Variants in PIGN observed in about 807,000 individuals in gnomAD.
The protein encoded by PIGN is phosphatidylinositol glycan anchor biosynthesis class N.
A neutral mutation model predicts 125.4 loss-of-function variants in PIGN; 117 were observed. The observed-to-expected ratio is 0.93, with a 90% CI of 0.80 to 1.09. The LOEUF is 1.09. Among genes scored for constraint, PIGN ranks in the 50% least tolerant of loss-of-function variants. PIGN has a pLI of 0.00. For missense variants in PIGN, 1,075 were observed against 1,094.9 expected, an observed-to-expected ratio of 0.98 and a Z score of 0.26; for synonymous variants, 392 against 377.8, an observed-to-expected ratio of 1.04 and a Z score of -0.44.
At position 62,074,767 on chromosome 18, in the gene PIGN, G is replaced by T; in HGVS notation, c.2619+12C>A. 1.9e-6 allele frequency: 3 copies of T among 1,568,376 alleles called. 1 individual carries two copies. The South Asian group carries it at 3.4e-5, about 18-fold the overall frequency. ...TAATCTAATTTATATGGACTACCCA[G>T]TAATGCCTTACCAAAGCCATAATGT... is the stretch of plus-strand genomic sequence containing the variant. On this transcript the variant is annotated intron_variant, in intron 29 of 30. Transcript: ENST00000640252.
At position 62,096,516 on chromosome 18, in the gene PIGN, C is replaced by CTTTTTTT. The variant is rs398033140; in HGVS notation, c.2078-573_2078-567dup. Among the ~76,000 whole-genome samples, 532 of 85,630 alleles carry CTTTTTTT rather than the reference C, an allele frequency of 6.2e-3. 17 individuals are homozygous for CTTTTTTT. Among genetic ancestry groups the CTTTTTTT allele is most frequent in the African/African-American group, 7.7e-3 (141 of 18,368 alleles). The allele number at this position is 85,630 out of a possible 152,430, so 56.2% of individuals were successfully genotyped here. A position where few individuals can be genotyped will look rare whatever the true frequency, so the allele number is the denominator to read the frequency against. On this transcript the variant is annotated intron_variant, in intron 22 of 30. Transcript: ENST00000640252. The stretch of plus-strand genomic sequence containing the variant: ...TATTAACTCAAAAATGAATTATTTT[C>CTTTTTTT]TTTTTTTTTTTTTTTTTTTTTTTTT...
rs138896034 is a variant in PIGN at position 62,111,466 on chromosome 18, A to T, written c.1435-1493T>A. On this transcript the variant is annotated intron_variant, in intron 16 of 30. Transcript: ENST00000640252. ...TATCGTCACCCTAAAGTCAGCTCTCATATTTAAAATATGATAGTCTTTTTA... is the reference window on the plus strand; with the variant it reads ...TATCGTCACCCTAAAGTCAGCTCTCTTATTTAAAATATGATAGTCTTTTTA... Among the ~76,000 whole-genome samples, 239 of 152,194 alleles carry T rather than the reference A, an allele frequency of 1.6e-3. 1 individual carries two copies. Among genetic ancestry groups the T allele is most frequent in the African/African-American group, 5.4e-3 (223 of 41,542 alleles).
intron 30 of PIGN, among the ~76,000 whole-genome samples, chr18:62,049,010 T>C (rs969010354): frequency 2.2e-4 from 33 of 152,094 alleles, no homozygotes; most frequent in African/African-American, 1.4e-4. Context: ...ATTTCATCCA[T>C]GTCCCTACAA....
intron 6 of PIGN, 72 bp downstream of exon 6, chr18:62,157,057 T>C (rs1478805198): frequency 3.1e-6 from 2 of 635,146 alleles, no homozygotes; most frequent in Non-Finnish European, 5.2e-6. Flanking sequence ...ATTACATACA[T>C]AAAAATAGAA....
At chr18:62,128,881 T>C (rs919048099) in intron 14 of PIGN, among the ~76,000 whole-genome samples, 3 of 152,160 alleles carry the variant, frequency 2.0e-5, no homozygotes, top group Non-Finnish European at 4.4e-5. Context: ...TTTCTTCTAT[T>C]TGGCTTCAAA....
intron 30 of PIGN, chr18:62,072,420 T>C (rs1218387584): frequency 3.3e-6 from 1 of 302,244 alleles, no homozygotes; most frequent in Non-Finnish European, 6.1e-6. Context: ...TACTATACCT[T>C]TTCTATGTGT....
chr18:62,049,792 G>A (rs2031106547), intron 30 of PIGN, among the ~76,000 whole-genome samples: 1 of 151,854 alleles, frequency 6.6e-6, no homozygotes, highest in Admixed American at 6.6e-5. Flanking sequence ...TGTCCTGAAT[G>A]GTAATGCCTA....
At chr18:62,170,258 T>C (rs914379825) in intron 1 of PIGN, among the ~76,000 whole-genome samples, 5 of 152,348 alleles carry the variant, frequency 3.3e-5, no homozygotes, top group South Asian at 4.1e-4. Context: ...CCACATCTTA[T>C]TGTGCTTTAC....
downstream of PIGN, among the ~76,000 whole-genome samples, chr18:62,037,539 T>C (rs2030276917): frequency 6.6e-6 from 1 of 152,124 alleles, no homozygotes; most frequent in Non-Finnish European, 1.5e-5. Flanking sequence ...CTTACGGTGA[T>C]GTAAGTTGTT....
chr18:62,055,178 A>C (rs76220229), intron 30 of PIGN, among the ~76,000 whole-genome samples: 3,389 of 152,312 alleles, frequency 0.022, 106 homozygotes, highest in African/African-American at 0.058. Flanking sequence ...TGCATGCCAG[A>C]GGGAAAAAAC....
chr18:62,161,299 T>G lies in PIGN; in HGVS notation c.55A>C (p.Ile19Leu). Residue 19 changes from isoleucine to leucine, a missense_variant, in exon 4 of 31, where the codon ATC (isoleucine) becomes CTC (leucine). By Grantham distance (5) the Ile-to-Leu change is conservative. Around this residue, in one of 3 missense-constraint regions of PIGN, gnomAD observed 152 missense variants for 162.9 expected, o/e 0.93. Coordinates refer to ENST00000640252, the MANE Select transcript of PIGN (RefSeq NM_176787.5). ...GGAGATGTAAAATAAATGTCAAAGA[T>G]GGAGGCGAAGAACACAAAATGTATA... ...LLIHFVFFASIFDIYFTSPLV... is the reference protein window; with the variant it reads ...LLIHFVFFASLFDIYFTSPLV... 1 of 1,613,644 alleles carries G rather than the reference T, an allele frequency of 6.2e-7. No individual in the cohort carries two copies. The highest frequency in any genetic ancestry group is 8.5e-7 in the Non-Finnish European group (1 of 1,179,760).
intron 23 of PIGN, among the ~76,000 whole-genome samples, chr18:62,021,537 G>C (rs996303371): frequency 6.6e-6 from 1 of 152,252 alleles, no homozygotes; most frequent in Non-Finnish European, 1.5e-5. Context: ...ATGCAGTGGG[G>C]TGCATTGTAG....
intron 23 of PIGN, among the ~76,000 whole-genome samples, chr18:62,035,520 T>A (rs191931629): frequency 6.6e-6 from 1 of 152,172 alleles, no homozygotes; most frequent in Non-Finnish European, 1.5e-5. Flanking sequence ...CCTAACTTAT[T>A]ACTTTTTTAT....
At chr18:62,121,727 T>C (rs1355333345) in intron 14 of PIGN, among the ~76,000 whole-genome samples, 2 of 152,146 alleles carry the variant, frequency 1.3e-5, no homozygotes, top group Non-Finnish European at 2.9e-5. Context: ...TGAATAACAT[T>C]GCATCATGTA....
chr18:62,138,920 A>T, intron 13 of PIGN, 63 bp downstream of exon 13: 1 of 776,064 alleles, frequency 1.3e-6, no homozygotes, highest in Non-Finnish European at 2.1e-6. Context: ...CCCTAAATAT[A>T]TTCAATATTT....
At chr18:62,033,047 G>C (rs1481801480) in intron 23 of PIGN, among the ~76,000 whole-genome samples, 1 of 152,210 alleles carries the variant, frequency 6.6e-6, no homozygotes, top group Non-Finnish European at 1.5e-5. Flanking sequence ...GGGACCAAGG[G>C]AAGCTGGGCC....
chr18:62,022,892 A>T (rs1451682863), intron 23 of PIGN, among the ~76,000 whole-genome samples: 1 of 152,210 alleles, frequency 6.6e-6, no homozygotes, highest in Non-Finnish European at 1.5e-5. Flanking sequence ...AAAATGACAT[A>T]GTCTTTGCAA....
chr18:62,118,338 A>C (rs1382846042), intron 14 of PIGN, among the ~76,000 whole-genome samples: 2 of 152,150 alleles, frequency 1.3e-5, no homozygotes, highest in Admixed American at 1.3e-4. Flanking sequence ...TATGCCAGAG[A>C]AGCTTTGGGC....
At position 62,113,716 on chromosome 18, in the gene PIGN, C is replaced by T. The variant is rs2034973134; in HGVS notation, c.1252-400G>A. On this transcript the variant is annotated intron_variant, in intron 15 of 30. Coordinates refer to ENST00000640252, the MANE Select transcript of PIGN (RefSeq NM_176787.5). ...TCAGTTATAAAACATCATTAAGTAG[C>T]TTAATATTTTACAGGAGAAGAATAG... 2.0e-5 allele frequency among the ~76,000 whole-genome samples: 3 copies of T among 151,944 alleles called. 1 individual carries two copies. The South Asian group carries it at 6.2e-4, about 32-fold the overall frequency.
Sources: allele counts gnomAD v4.1 joint callset (sites outside exome capture counted in the v4.1 genomes callset), GRCh38; gene constraint gnomAD v4.1.1; regional missense constraint gnomAD v4.1.1; transcripts MANE v1.5; gene names NCBI Gene and HGNC (gene_info 2026-07-23, HGNC 2026-07-21).